The following TRMT2B variants were observed in gnomAD, a reference collection of about 807,000 sequenced individuals.
TRMT2B encodes tRNA (uracil-5-)-methyltransferase homolog B.
TRMT2B carries 34 observed loss-of-function variants against 39.7 expected under a neutral mutation model. That is an observed-to-expected ratio of 0.86 (90% confidence interval 0.65 to 1.14). The LOEUF (loss-of-function observed/expected upper bound fraction) is 1.14. Among genes scored for constraint, TRMT2B ranks in the 50% most tolerant of loss-of-function variants. The probability of loss-of-function intolerance (pLI) is 0.00; values close to 1 mark genes in which losing one functional copy is unlikely to be tolerated. For synonymous variants in TRMT2B, 132 were observed against 137.3 expected, an observed-to-expected ratio of 0.96 and a Z score of 0.27; for missense variants, 318 against 377.2, an observed-to-expected ratio of 0.84 and a Z score of 1.30.
rs138973384 is a variant in TRMT2B at position 101,021,177 on chromosome X, C to T, written c.990G>A (p.Glu330=). The T allele has an allele frequency of 2.5e-6, 3 of 1,211,405 alleles. No homozygotes were observed. The highest frequency in any genetic ancestry group is 2.2e-6 in the Non-Finnish European group (2 of 895,288). The change falls in exon 10 of 14, where the codon GAG becomes GAA. Residue 330 remains glutamate, a synonymous_variant. Transcript: ENST00000372936. The part of the protein sequence containing the change: ...AFFQINTAGA[E]MLYRTVGELT... ...GCTCCCCCACAGTCCGATACAGCAT[C>T]TCTGCACCAGCTGTGTTAATCTGGA...
At chrX:101,047,853 C>T (rs1034596289) in intron 2 of TRMT2B, among the ~76,000 whole-genome samples, 13 of 108,892 alleles carry the variant, frequency 1.2e-4, no homozygotes, top group African/African-American at 3.3e-4. Flanking sequence ...GATGGGGTCT[C>T]GCTATGTTTT....
intron 4 of TRMT2B, among the ~76,000 whole-genome samples, chrX:101,039,175 T>C (rs1051516690): frequency 1.8e-5 from 2 of 111,170 alleles, no homozygotes; most frequent in African/African-American, 3.3e-5. Context: ...GTTCAAGCGA[T>C]TCTCCTGCCT....
downstream of TRMT2B, among the ~76,000 whole-genome samples, chrX:101,007,033 A>G (rs1569466911): frequency 9.0e-6 from 1 of 111,616 alleles, no homozygotes; most frequent in Non-Finnish European, 1.9e-5. Flanking sequence ...CCAAACCTGC[A>G]ATATCTCTGA....
the TRMT2B span, among the ~76,000 whole-genome samples, chrX:100,983,253 AAAAG>A: frequency 1.8e-5 from 2 of 112,020 alleles, no homozygotes; most frequent in Non-Finnish European, 3.8e-5. Context: ...AGTAAAAAGA[AAAAG>A]AAAACTAGGA....
At chrX:101,011,084 G>T (rs1337240523) in intron 13 of TRMT2B, among the ~76,000 whole-genome samples, 4 of 112,037 alleles carry the variant, frequency 3.6e-5, no homozygotes, top group African/African-American at 1.3e-4. Flanking sequence ...AACCAGCAAA[G>T]TAGAAGAGTA....
At chrX:101,040,929 G>T (rs1275295909) in intron 4 of TRMT2B, among the ~76,000 whole-genome samples, 1 of 111,792 alleles carries the variant, frequency 8.9e-6, no homozygotes, top group Non-Finnish European at 1.9e-5. Context: ...TCCAGTCAAG[G>T]CCCGGCGCGG....
chrX:101,035,749 C>A lies in TRMT2B; in HGVS notation c.539-66G>T, dbSNP rs957840370. ...AGATTATTTAAAAGAAAATGCCTGGCAACTCAAATTTCTATCGTCAAAGTG... is the reference window on the plus strand; with the variant it reads ...AGATTATTTAAAAGAAAATGCCTGGAAACTCAAATTTCTATCGTCAAAGTG... On this transcript the variant is annotated intron_variant, in intron 6 of 13. Coordinates refer to ENST00000372936, the MANE Select transcript of TRMT2B (RefSeq NM_024917.6). 5 of 982,422 alleles carry A rather than the reference C, an allele frequency of 5.1e-6. No homozygotes were observed. In the African/African-American group the frequency reaches 7.6e-5, roughly 15 times the overall value. The allele number at this position is 982,422 out of a possible 1,213,427, so 81.0% of individuals were successfully genotyped here. A position where few individuals can be genotyped will look rare whatever the true frequency, so the allele number is the denominator to read the frequency against.
the TRMT2B span, among the ~76,000 whole-genome samples, chrX:100,997,997 G>A: frequency 9.0e-6 from 1 of 111,692 alleles, no homozygotes; most frequent in Non-Finnish European, 1.9e-5. Context: ...GCTCACGCCT[G>A]TAATCCCAGC....
chrX:100,988,693 T>C, the TRMT2B span: 1 of 377,175 alleles, frequency 2.7e-6, no homozygotes, highest in African/African-American at 2.8e-5. Context: ...AGCACCTTCC[T>C]GTAGGAAGGG....
rs2087937740 is a variant in TRMT2B, at chrX:101,037,927, A to G, written c.428T>C (p.Ile143Thr). The G allele has an allele frequency of 3.3e-6, 4 of 1,210,818 alleles. No homozygotes were observed. In the East Asian group the frequency reaches 1.2e-4, roughly 36 times the overall value. The change falls in exon 5 of 14, where the codon ATT (isoleucine) becomes ACT (threonine). Residue 143 changes from isoleucine (I) to threonine (T), a missense_variant. Ile to Thr is a moderately conservative substitution (Grantham distance 89, BLOSUM62 -1). Coordinates refer to ENST00000372936, the MANE Select transcript of TRMT2B (RefSeq NM_024917.6). ...SERLSCLLHP[I>T]IPSPVINGYR... ...GAGGTGGGGGCTTACAGAGGGTATA[A>G]TAGGATGGAGAAGACAAGAGAGCCT...
the TRMT2B span, chrX:100,988,510 A>G: frequency 2.6e-6 from 3 of 1,158,377 alleles, no homozygotes; most frequent in East Asian, 9.8e-5. Context: ...CAATTGAAGG[A>G]GTGGCTTATA....
chrX:101,030,303 C>T (rs1176572151), intron 7 of TRMT2B, among the ~76,000 whole-genome samples: 3 of 110,358 alleles, frequency 2.7e-5, no homozygotes, highest in African/African-American at 9.9e-5. Context: ...TGTCTTCATC[C>T]TACCAAAAAC....
At chrX:101,006,646 A>G (rs1167315489), downstream of TRMT2B, among the ~76,000 whole-genome samples, 4 of 110,068 alleles carry the variant, frequency 3.6e-5, no homozygotes, top group Non-Finnish European at 7.6e-5. Flanking sequence ...CTACAAAAAA[A>G]TTAAAAAATA....
intron 13 of TRMT2B, among the ~76,000 whole-genome samples, chrX:101,012,659 G>A (rs1167779683): frequency 9.1e-6 from 1 of 109,697 alleles, no homozygotes; most frequent in African/African-American, 3.3e-5. Context: ...TGTTTATTGC[G>A]GCATTATTCA....
At chrX:100,979,800 C>T in the TRMT2B span, among the ~76,000 whole-genome samples, 2 of 112,120 alleles carry the variant, frequency 1.8e-5, no homozygotes, top group African/African-American at 6.5e-5. Context: ...GCTGTATATG[C>T]ATTAGGGGAC....
intron 8 of TRMT2B, among the ~76,000 whole-genome samples, chrX:101,023,101 G>A (rs991321041): frequency 7.1e-5 from 8 of 112,234 alleles, no homozygotes; most frequent in African/African-American, 2.6e-4. Context: ...AAAGCACCAA[G>A]TGCATGACAA....
chrX:100,978,537 A>AT, the TRMT2B span, among the ~76,000 whole-genome samples: 11 of 110,486 alleles, frequency 1.0e-4, no homozygotes, highest in African/African-American at 3.6e-4. Context: ...TTGGGTTTCC[A>AT]TTTGTATAGA....
the TRMT2B span, among the ~76,000 whole-genome samples, chrX:100,977,131 G>T: frequency 9.0e-6 from 1 of 110,608 alleles, no homozygotes; most frequent in Non-Finnish European, 1.9e-5. Context: ...ATCAAATCAG[G>T]GTAAATGGGG....
At chrX:100,986,771 C>T in the TRMT2B span, 2 of 1,082,282 alleles carry the variant, frequency 1.8e-6, no homozygotes, top group Non-Finnish European at 2.5e-6. Flanking sequence ...CACTCTTTTC[C>T]TCCCTCTCTC....
Sources: allele counts gnomAD v4.1 joint callset (sites outside exome capture counted in the v4.1 genomes callset), GRCh38; gene constraint gnomAD v4.1.1; transcripts MANE v1.5; gene names NCBI Gene and HGNC (gene_info 2026-07-23, HGNC 2026-07-21).